Variants in TMEM108 observed in about 807,000 individuals in gnomAD.
TMEM108 encodes the protein cancer/testis antigen 124.
Under a neutral mutation model 35.1 loss-of-function variants are expected in TMEM108, and 12 were observed. The ratio of observed to expected loss-of-function variants is 0.34; its 90% confidence interval spans 0.22 to 0.55. The LOEUF is 0.55. Among genes scored for constraint, TMEM108 ranks in the 20% least tolerant of loss-of-function variants. TMEM108 has a pLI of 0.89. For synonymous variants in TMEM108, 287 were observed against 308.6 expected, an observed-to-expected ratio of 0.93 and a Z score of 0.73; for missense variants, 680 against 753.3, an observed-to-expected ratio of 0.90 and a Z score of 1.14.
At chr3:133,278,892 G>A (rs1358619938) in intron 3 of TMEM108, among the ~76,000 whole-genome samples, 1 of 152,268 alleles carries the variant, frequency 6.6e-6, no homozygotes, top group South Asian at 2.1e-4. Context: ...TAATGAATTA[G>A]AATTTACATT....
At chr3:133,280,908 C>A (rs1946903024) in intron 3 of TMEM108, among the ~76,000 whole-genome samples, 1 of 152,084 alleles carries the variant, frequency 6.6e-6, no homozygotes, top group Non-Finnish European at 1.5e-5. Flanking sequence ...AACAGGTGTC[C>A]CAGAGAATAA....
intron 5 of TMEM108, 53 bp from the exon 6 acceptor site, chr3:133,395,811 C>T (rs2073297176): frequency 1.4e-6 from 2 of 1,462,106 alleles, no homozygotes; most frequent in Non-Finnish European, 1.8e-6. Context: ...TTAAGAATGG[C>T]CACCTCTTAA....
chr3:133,183,698 ATTC>A (rs1945380016), intron 2 of TMEM108, among the ~76,000 whole-genome samples: 1 of 152,162 alleles, frequency 6.6e-6, no homozygotes, highest in Admixed American at 6.5e-5. Context: ...TCTACCCTAC[ATTC>A]TTGTTGAGGC....
intron 2 of TMEM108, among the ~76,000 whole-genome samples, chr3:133,112,128 G>C (rs1944232922): frequency 1.3e-5 from 2 of 152,086 alleles, no homozygotes; most frequent in South Asian, 4.1e-4. Context: ...AGAAATTCTG[G>C]CATCTCTTGC....
chr3:133,333,167 T>C (rs2071419155), intron 3 of TMEM108, among the ~76,000 whole-genome samples: 1 of 152,180 alleles, frequency 6.6e-6, no homozygotes, highest in African/African-American at 2.4e-5. Flanking sequence ...ATAGTAGCCA[T>C]ACACTGGCTA....
At chr3:133,320,979 T>G (rs2071260308) in intron 3 of TMEM108, among the ~76,000 whole-genome samples, 1 of 152,162 alleles carries the variant, frequency 6.6e-6, no homozygotes, top group African/African-American at 2.4e-5. Flanking sequence ...CTGAGAGCAT[T>G]TGCCACTCTC....
chr3:133,185,464 C>T (rs1945405288), intron 2 of TMEM108, among the ~76,000 whole-genome samples: 1 of 150,428 alleles, frequency 6.6e-6, no homozygotes, highest in Admixed American at 6.7e-5. Context: ...TACCTACAGG[C>T]TTCTCCCGTT....
intron 1 of TMEM108, among the ~76,000 whole-genome samples, chr3:133,045,354 T>A (rs542739499): frequency 3.1e-4 from 47 of 152,300 alleles, no homozygotes; most frequent in Non-Finnish European, 5.9e-4. Context: ...AGTAACTAAG[T>A]CAAGGTTACT....
chr3:133,335,326 AAT>A (rs1254923974), intron 3 of TMEM108, among the ~76,000 whole-genome samples: 4 of 152,190 alleles, frequency 2.6e-5, no homozygotes, highest in Non-Finnish European at 5.9e-5. Context: ...AAATAAAACA[AAT>A]ATATTTTTAA....
At chr3:133,240,521 T>C (rs533280655) in intron 3 of TMEM108, among the ~76,000 whole-genome samples, 2 of 152,342 alleles carry the variant, frequency 1.3e-5, no homozygotes, top group South Asian at 4.1e-4. Flanking sequence ...CAGAAGAATG[T>C]AGGTGAGGGA....
At chr3:133,393,093 C>G (rs1230808751) in intron 5 of TMEM108, among the ~76,000 whole-genome samples, 1 of 152,224 alleles carries the variant, frequency 6.6e-6, no homozygotes, top group Non-Finnish European at 1.5e-5. Flanking sequence ...TCAGTGGCCT[C>G]TTTGCTCTTC....
At chr3:133,059,353 G>A (rs1238700983) in intron 2 of TMEM108, among the ~76,000 whole-genome samples, 2 of 152,040 alleles carry the variant, frequency 1.3e-5, no homozygotes, top group Admixed American at 6.5e-5. Context: ...CTACTTGCCT[G>A]GTTCTTGCTG....
chr3:133,049,211 T>C (rs1943375733), intron 2 of TMEM108, among the ~76,000 whole-genome samples: 1 of 152,228 alleles, frequency 6.6e-6, no homozygotes, highest in Non-Finnish European at 1.5e-5. Context: ...GATAATTTTC[T>C]CAAATGATGC....
At chr3:133,210,198 C>T (rs780102002) in intron 2 of TMEM108, among the ~76,000 whole-genome samples, 2 of 152,202 alleles carry the variant, frequency 1.3e-5, no homozygotes, top group Non-Finnish European at 2.9e-5. Context: ...CTCTAGTACT[C>T]TCTGAGGATG....
chr3:133,297,519 A>G (rs61225100), intron 3 of TMEM108, among the ~76,000 whole-genome samples: 5,285 of 152,268 alleles, frequency 0.035, 298 homozygotes, highest in African/African-American at 0.12. Context: ...ATTCTCACAC[A>G]TAACTGAGAT....
At chr3:133,369,723 A>C (rs972446294) in intron 3 of TMEM108, among the ~76,000 whole-genome samples, 1 of 152,234 alleles carries the variant, frequency 6.6e-6, no homozygotes, top group Non-Finnish European at 1.5e-5. Context: ...TCTATCAACT[A>C]GGCTAAAAGA....
chr3:133,238,435 TAAAC>T (rs1321191390), intron 3 of TMEM108, among the ~76,000 whole-genome samples: 1 of 152,214 alleles, frequency 6.6e-6, no homozygotes, highest in African/African-American at 2.4e-5. Flanking sequence ...AAACGTTTCT[TAAAC>T]AATCACACAC....
intron 3 of TMEM108, among the ~76,000 whole-genome samples, chr3:133,343,077 G>A (rs558510000): frequency 1.3e-5 from 2 of 151,772 alleles, no homozygotes; most frequent in South Asian, 4.1e-4. Context: ...AAGATACAAA[G>A]CAGCATTTCA....
intron 4 of TMEM108, among the ~76,000 whole-genome samples, chr3:133,384,430 G>A (rs2073094637): frequency 6.6e-6 from 1 of 152,212 alleles, no homozygotes; most frequent in Non-Finnish European, 1.5e-5. Flanking sequence ...AGGAGGGAGG[G>A]TGTCCGTTCA....
Sources: allele counts gnomAD v4.1 joint callset (sites outside exome capture counted in the v4.1 genomes callset), GRCh38; gene constraint gnomAD v4.1.1; transcripts MANE v1.5; gene names NCBI Gene and HGNC (gene_info 2026-07-23, HGNC 2026-07-21).